The following SH3D21 variants were observed in gnomAD, a reference collection of about 807,000 sequenced individuals.
SH3D21 encodes the protein SH3 domain-containing protein 21.
Under a neutral mutation model 82.1 loss-of-function variants are expected in SH3D21, and 83 were observed. The ratio of observed to expected loss-of-function variants is 1.01; its 90% CI spans 0.85 to 1.21. The LOEUF is 1.21. Among genes scored for constraint, SH3D21 ranks in the 50% most tolerant of loss-of-function variants. SH3D21 has a pLI of 0.00. For synonymous variants in SH3D21, 383 were observed against 387.8 expected (o/e 0.99, Z 0.15); for missense variants, 980 against 962.1 (o/e 1.02, Z -0.25).
At chr1:36,313,333 A>ATAAATAAATAAATAAAT (rs1367583736) in intron 10 of SH3D21, among the ~76,000 whole-genome samples, 1 of 151,112 alleles carries the variant, frequency 6.6e-6, no homozygotes, top group Non-Finnish European at 1.5e-5. Context: ...CTCACAATAA[A>ATAAATAAATAAATAAAT]TAAATAAATA....
chr1:36,324,677 G>C (rs1646523329), downstream of SH3D21: 1 of 152,286 alleles, frequency 6.6e-6, no homozygotes, highest in Non-Finnish European at 1.5e-5. Context: ...GTAGAGGGCA[G>C]ATCTAGATGG....
In SH3D21 at chr1:36,319,246, A is replaced by C; in HGVS notation, c.864-14A>C. 6.4e-7 allele frequency: 1 copy of C among 1,551,658 alleles called. No homozygotes were observed. Among genetic ancestry groups the C allele is most frequent in the Non-Finnish European group, 8.7e-7 (1 of 1,146,984 alleles). ...TGTGCCCCACCCTGAGGGCCTGATG[A>C]AGATATGTTCCAGGACATCTCGGAC... On this transcript the variant is annotated splice_polypyrimidine_tract_variant and intron_variant, in intron 11 of 15. Transcript: ENST00000453908.
chr1:36,323,788 G>GCGGCAGGGACCCGCCCCCAGGCCACTAA (rs1384201397), downstream of SH3D21: 1 of 152,276 alleles, frequency 6.6e-6, no homozygotes, highest in Non-Finnish European at 1.5e-5. Flanking sequence ...CGGGGAGGCC[G>GCGGCAGGGACCCGCCCCCAGGCCACTAA]CGGCAGGGAC....
downstream of SH3D21, chr1:36,323,109 C>G: frequency 6.7e-7 from 1 of 1,496,064 alleles, no homozygotes; most frequent in Non-Finnish European, 9.0e-7. Flanking sequence ...CAGCCTGGAG[C>G]CCACCCCGAC....
At position 36,307,946 on chromosome 1, in the gene SH3D21, C is replaced by G; in HGVS notation, c.521C>G (p.Pro174Arg). ...AGCAGCCTGGCCTATGACAGCCCTC[C>G]AGACTACCTGCAGACAGGTGAGCAC... Reference protein sequence around the residue: ...KLSSLAYDSPPDYLQTVSHPE... With the variant: ...KLSSLAYDSPRDYLQTVSHPE... Residue 174 changes from proline (P) to arginine (R), a missense_variant, in exon 7 of 16, where the codon CCA becomes CGA. Coordinates refer to ENST00000453908, the MANE Select transcript of SH3D21 (RefSeq NM_001162530.2). The surrounding 1 kb of genome is among the most constrained non-coding windows in gnomAD (Gnocchi z 5.4). The G allele has an allele frequency of 6.4e-7, 1 of 1,551,756 alleles. No homozygotes were observed. The highest frequency in any genetic ancestry group is 8.7e-7 in the Non-Finnish European group (1 of 1,147,012).
Position 36,308,484 on chromosome 1 carries a change from A to G in SH3D21, c.726+9A>G, listed in dbSNP as rs905984422. The G allele has an allele frequency of 9.0e-6, 14 of 1,551,308 alleles. No homozygotes were observed. Among genetic ancestry groups the G allele is most frequent in the Non-Finnish European group, 1.1e-5 (13 of 1,146,722 alleles). On this transcript the variant is annotated intron_variant, in intron 9 of 15. Coordinates refer to ENST00000453908, the MANE Select transcript of SH3D21 (RefSeq NM_001162530.2). ...TACTCCCACCACCCCCAGTGAGTACAGAGCCAAGACACTCAGGTGGCAGGG... is the reference window on the plus strand; with the variant it reads ...TACTCCCACCACCCCCAGTGAGTACGGAGCCAAGACACTCAGGTGGCAGGG...
At chr1:36,312,006 A>G (rs562546107) in intron 10 of SH3D21, among the ~76,000 whole-genome samples, 11 of 152,008 alleles carry the variant, frequency 7.2e-5, no homozygotes, top group African/African-American at 2.7e-4. Flanking sequence ...AGTTTTATAC[A>G]TAAAACTATA....
rs1337823028 is a variant in SH3D21 at position 36,319,830 on chromosome 1, C to T, written c.1167C>T (p.Thr389=). The T allele has an allele frequency of 6.2e-7, 1 of 1,613,646 alleles. No homozygotes were observed. Among genetic ancestry groups the T allele is most frequent in the African/African-American group, 1.3e-5 (1 of 74,838 alleles). ...APDKVPSPEK[T]LTLGDKASIP... Reference sequence around the variant, plus strand: ...ACAAAGTCCCCTCCCCAGAGAAGACCCTCACTCTAGGGGACAAGGCCTCTA... The same window carrying T: ...ACAAAGTCCCCTCCCCAGAGAAGACTCTCACTCTAGGGGACAAGGCCTCTA... Residue 389 remains threonine (T), a synonymous_variant, in exon 14 of 16, where the codon ACC becomes ACT. Coordinates refer to ENST00000453908, the MANE Select transcript of SH3D21 (RefSeq NM_001162530.2).
intron 10 of SH3D21, among the ~76,000 whole-genome samples, chr1:36,313,972 C>CTTTCTTTTTTTTTTTTTTTTTTTTTTTT (rs1646291164): frequency 2.7e-5 from 1 of 36,784 alleles, no homozygotes; most frequent in Non-Finnish European, 5.4e-5. Flanking sequence ...AACATATTTT[C>CTTTCTTTTTTTTTTTTTTTTTTTTTTTT]TTTTTTTTTT....
At position 36,309,578 on chromosome 1, in the gene SH3D21, T is replaced by C. The variant is rs1460827939; in HGVS notation, c.757T>C (p.Ser253Pro). ...GAAGCTGGTCCCACGGAAAGTGGTATCTCGGGAATCAGGTGAGTGCCCGGG... is the reference window on the plus strand; with the variant it reads ...GAAGCTGGTCCCACGGAAAGTGGTACCTCGGGAATCAGGTGAGTGCCCGGG... ...IKKLVPRKVVSRESAPIKEPK... is the reference protein window; with the variant it reads ...IKKLVPRKVVPRESAPIKEPK... The change falls in exon 10 of 16, where the codon TCT becomes CCT. Residue 253 changes from serine to proline, a missense_variant. Coordinates refer to ENST00000453908, the MANE Select transcript of SH3D21 (RefSeq NM_001162530.2). The C allele has an allele frequency of 6.4e-7, 1 of 1,551,680 alleles. No individual in the cohort carries two copies. The highest frequency in any genetic ancestry group is 8.7e-7 in the Non-Finnish European group (1 of 1,146,964).
At chr1:36,309,765 TG>T (rs1646201489) in intron 10 of SH3D21, among the ~76,000 whole-genome samples, 175 bp downstream of exon 10, 1 of 75,214 alleles carries the variant, frequency 1.3e-5, no homozygotes, top group Admixed American at 2.1e-4. Context: ...GGTCAGTTTG[TG>T]TGTGTGTTAA....
intron 10 of SH3D21, among the ~76,000 whole-genome samples, chr1:36,310,499 C>T (rs1646217278): frequency 6.6e-6 from 1 of 151,816 alleles, no homozygotes; most frequent in African/African-American, 2.4e-5. Context: ...CCTGTAATCC[C>T]AGCTATTTGG....
intron 10 of SH3D21, among the ~76,000 whole-genome samples, chr1:36,313,127 A>G (rs1016632365): frequency 5.9e-5 from 9 of 152,142 alleles, no homozygotes; most frequent in Middle Eastern, 3.4e-3. Context: ...GACGGAGACC[A>G]TCTTGGCTAA....
At chr1:36,318,448 T>TA (rs1557481939) in intron 10 of SH3D21, among the ~76,000 whole-genome samples, 1 of 151,994 alleles carries the variant, frequency 6.6e-6, no homozygotes, top group Non-Finnish European at 1.5e-5. Flanking sequence ...TGAGATCTCT[T>TA]AGAGAGTAAA....
At chr1:36,321,485 C>G (rs1646462388), downstream of SH3D21, 1 of 902,328 alleles carries the variant, frequency 1.1e-6, no homozygotes, top group Admixed American at 4.5e-5. This position sits in a 1 kb window ranked among gnomAD's most constrained non-coding sequence, Gnocchi z 6.1. Context: ...GACGCCCGGC[C>G]TAGATTCCGG....
intron 10 of SH3D21, among the ~76,000 whole-genome samples, chr1:36,311,334 G>A (rs1476377437): frequency 2.0e-5 from 3 of 151,668 alleles, no homozygotes; most frequent in East Asian, 3.9e-4. Flanking sequence ...TCTGCCTCCC[G>A]GGTTCACGCC....
downstream of SH3D21, chr1:36,328,250 C>A: frequency 2.4e-6 from 1 of 414,940 alleles, no homozygotes. Flanking sequence ...ATATTCAGGA[C>A]CCAGTGCAAA....
chr1:36,314,100 C>T (rs1304593880), intron 10 of SH3D21, among the ~76,000 whole-genome samples: 8 of 149,258 alleles, frequency 5.4e-5, no homozygotes, highest in African/African-American at 1.5e-4. Context: ...TCAGCCTCTC[C>T]GAGTAGCTGG....
chr1:36,306,683 G>C lies in SH3D21; in HGVS notation c.90G>C (p.Trp30Cys). 2 of 1,297,396 alleles carry C rather than the reference G, an allele frequency of 1.5e-6. No homozygotes were observed. Among genetic ancestry groups the C allele is most frequent in the Non-Finnish European group, 2.0e-6 (2 of 988,092 alleles). 80.4% of individuals were successfully genotyped at this position (1,297,396 alleles called of 1,614,324 possible). The change falls in exon 2 of 16, where the codon TGG (tryptophan) becomes TGC (cysteine). Residue 30 changes from tryptophan (W) to cysteine (C), a missense_variant. Coordinates refer to ENST00000453908, the MANE Select transcript of SH3D21 (RefSeq NM_001162530.2). The surrounding 1 kb of genome is among the most constrained non-coding windows in gnomAD (Gnocchi z 4.5). ...APGDVVRQVRWVPARGWLRGE... is the reference protein window; with the variant it reads ...APGDVVRQVRCVPARGWLRGE... ...GGGACGTGGTCCGGCAGGTGCGCTG[G>C]GTGCCCGCGCGGGGCTGGCTTCGCG...
Sources: allele counts gnomAD v4.1 joint callset (sites outside exome capture counted in the v4.1 genomes callset), GRCh38; gene constraint gnomAD v4.1.1; non-coding constraint Gnocchi (gnomAD v3.1); transcripts MANE v1.5; gene names NCBI Gene and HGNC (gene_info 2026-07-23, HGNC 2026-07-21).